The following CENPW variants were observed in gnomAD, a reference collection of about 807,000 sequenced individuals.
CENPW encodes cancer-up-regulated gene 2 protein.
A neutral mutation model predicts 11.1 loss-of-function variants in CENPW; 3 were observed. The ratio of observed to expected loss-of-function variants is 0.27; its 90% CI spans 0.12 to 0.70. The LOEUF (loss-of-function observed/expected upper bound fraction) is 0.70, where lower values mean the gene tolerates loss of function less well. Ranked by LOEUF, CENPW falls within the 30% of genes least tolerant of loss-of-function variation. CENPW has a pLI of 0.77. For missense variants in CENPW, 100 were observed against 105.6 expected (o/e 0.95, Z 0.23); for synonymous variants, 38 against 42.0 (o/e 0.91, Z 0.37).
At chr6:126,434,203 T>C in the CENPW span, among the ~76,000 whole-genome samples, 1 of 152,048 alleles carries the variant, frequency 6.6e-6, no homozygotes, top group East Asian at 1.9e-4. Flanking sequence ...TCCAACACTT[T>C]TTTGAATGGT....
chr6:126,390,945 T>C, the CENPW span, among the ~76,000 whole-genome samples: 1 of 151,968 alleles, frequency 6.6e-6, no homozygotes, highest in South Asian at 2.1e-4. Context: ...GGAGTGAAGA[T>C]ATCTCTTCAA....
chr6:126,427,135 G>A, the CENPW span, among the ~76,000 whole-genome samples: 3 of 152,062 alleles, frequency 2.0e-5, no homozygotes, highest in Non-Finnish European at 4.4e-5. Flanking sequence ...CCCTCAGCTG[G>A]GGCACTGGGC....
At chr6:126,358,750 C>A in the CENPW span, among the ~76,000 whole-genome samples, 1 of 152,100 alleles carries the variant, frequency 6.6e-6, no homozygotes, top group Non-Finnish European at 1.5e-5. Flanking sequence ...GCCCCTTCTC[C>A]TTGATTTTTT....
chr6:126,448,244 A>G, the CENPW span, among the ~76,000 whole-genome samples: 8 of 151,174 alleles, frequency 5.3e-5, no homozygotes, highest in Admixed American at 4.0e-4. Context: ...CCAGCCATCT[A>G]TGTTTTATCA....
At chr6:126,416,369 C>G in the CENPW span, among the ~76,000 whole-genome samples, 4 of 152,140 alleles carry the variant, frequency 2.6e-5, no homozygotes, top group South Asian at 2.1e-4. Flanking sequence ...AAATTTGCAG[C>G]CTGACAATGT....
chr6:126,364,220 A>G, the CENPW span, among the ~76,000 whole-genome samples: 5 of 152,150 alleles, frequency 3.3e-5, no homozygotes, highest in Admixed American at 6.5e-5. Context: ...ACTCAGTTAC[A>G]TATTTTTTGA....
the CENPW span, among the ~76,000 whole-genome samples, chr6:126,418,918 C>G: frequency 8.2e-6 from 1 of 122,632 alleles, no homozygotes; most frequent in East Asian, 2.4e-4. Flanking sequence ...ACATCACACA[C>G]CGGGGCCTGT....
chr6:126,429,409 C>T, the CENPW span, among the ~76,000 whole-genome samples: 2 of 152,100 alleles, frequency 1.3e-5, no homozygotes, highest in African/African-American at 4.8e-5. Flanking sequence ...GTGGATTCCC[C>T]ATCCCTTGGT....
chr6:126,450,548 A>G, the CENPW span, among the ~76,000 whole-genome samples: 2 of 151,006 alleles, frequency 1.3e-5, no homozygotes, highest in Non-Finnish European at 3.0e-5. Flanking sequence ...ACTGAACAGA[A>G]AAAAGCTTTT....
the CENPW span, among the ~76,000 whole-genome samples, chr6:126,386,134 T>A: frequency 6.6e-6 from 1 of 152,088 alleles, no homozygotes; most frequent in African/African-American, 2.4e-5. Flanking sequence ...TACAATTTTA[T>A]CTTTTTAGAT....
At chr6:126,461,441 T>C in the CENPW span, among the ~76,000 whole-genome samples, 2 of 151,916 alleles carry the variant, frequency 1.3e-5, no homozygotes, top group Non-Finnish European at 2.9e-5. Context: ...CTTGGAGTCT[T>C]ACTGAAGGCT....
At chr6:126,473,419 T>G in the CENPW span, among the ~76,000 whole-genome samples, 1 of 152,132 alleles carries the variant, frequency 6.6e-6, no homozygotes, top group Non-Finnish European at 1.5e-5. Context: ...TTTTTCCTCT[T>G]TAACCCATGC....
chr6:126,416,787 T>G, the CENPW span, among the ~76,000 whole-genome samples: 1 of 152,262 alleles, frequency 6.6e-6, no homozygotes. Flanking sequence ...AAAGGATGTA[T>G]GGAAATGCCT....
chr6:126,417,699 G>A, the CENPW span, among the ~76,000 whole-genome samples: 1 of 152,138 alleles, frequency 6.6e-6, no homozygotes, highest in East Asian at 1.9e-4. Context: ...CCAGTCACTT[G>A]GAACAGTAAG....
chr6:126,340,744 A>T (rs1780288569), intron 1 of CENPW, among the ~76,000 whole-genome samples: 1 of 152,224 alleles, frequency 6.6e-6, no homozygotes, highest in African/African-American at 2.4e-5. Flanking sequence ...AAGGGTATGA[A>T]AGAATCACCC....
the CENPW span, among the ~76,000 whole-genome samples, chr6:126,375,266 A>G: frequency 6.6e-6 from 1 of 152,216 alleles, no homozygotes; most frequent in Admixed American, 6.5e-5. Flanking sequence ...AAGAAGAGGT[A>G]AATTAGGCCA....
At chr6:126,376,873 TC>T in the CENPW span, among the ~76,000 whole-genome samples, 1 of 152,152 alleles carries the variant, frequency 6.6e-6, no homozygotes, top group Non-Finnish European at 1.5e-5. Context: ...ACCCTGGTGT[TC>T]CGGCATGTCA....
the CENPW span, among the ~76,000 whole-genome samples, chr6:126,425,645 A>G: frequency 6.6e-6 from 1 of 152,030 alleles, no homozygotes; most frequent in Non-Finnish European, 1.5e-5. Flanking sequence ...GAGATTATCA[A>G]ATAGATCTAT....
chr6:126,364,676 A>C, the CENPW span, among the ~76,000 whole-genome samples: 1 of 151,718 alleles, frequency 6.6e-6, no homozygotes, highest in Non-Finnish European at 1.5e-5. Flanking sequence ...ATGAGAAACA[A>C]CTCTGTTGTG....
Sources: allele counts gnomAD v4.1 joint callset (sites outside exome capture counted in the v4.1 genomes callset), GRCh38; gene constraint gnomAD v4.1.1; transcripts MANE v1.5; gene names NCBI Gene and HGNC (gene_info 2026-07-23, HGNC 2026-07-21).